The following IQCM variants were observed in gnomAD, a reference collection of about 807,000 sequenced individuals.
IQCM encodes IQ motif containing M, also known as IQ domain-containing protein M.
A neutral mutation model predicts 57.6 loss-of-function variants in IQCM; 45 were observed. The ratio of observed to expected loss-of-function variants is 0.78; its 90% CI spans 0.62 to 1.00. The LOEUF is 1.00. Ranked by LOEUF, IQCM falls within the 50% of genes least tolerant of loss-of-function variation. IQCM has a pLI of 0.00. For missense variants in IQCM, 468 were observed against 511.6 expected, an observed-to-expected ratio of 0.91 and a Z score of 0.82; for synonymous variants, 148 against 158.9, an observed-to-expected ratio of 0.93 and a Z score of 0.51.
chr4:149,561,656 A>G (rs954134191), intron 10 of IQCM, among the ~76,000 whole-genome samples: 4 of 152,198 alleles, frequency 2.6e-5, no homozygotes, highest in Admixed American at 6.5e-5. Flanking sequence ...ATATATGTAT[A>G]CAAAGAGATA....
At chr4:149,748,377 T>C (rs1046601951) in intron 2 of IQCM, among the ~76,000 whole-genome samples, 1 of 152,236 alleles carries the variant, frequency 6.6e-6, no homozygotes, top group African/African-American at 2.4e-5. Context: ...CCAGCTTACA[T>C]GAAATATTTA....
At chr4:149,488,835 A>C (rs1195193692) in intron 12 of IQCM, among the ~76,000 whole-genome samples, 1 of 152,316 alleles carries the variant, frequency 6.6e-6, no homozygotes, top group African/African-American at 2.4e-5. Context: ...ACTTCATCTC[A>C]AAAGGTAACA....
chr4:149,654,350 G>A (rs948464789), intron 7 of IQCM, among the ~76,000 whole-genome samples: 1 of 152,114 alleles, frequency 6.6e-6, no homozygotes, highest in Non-Finnish European at 1.5e-5. Context: ...GATCCCTCAT[G>A]ACTCAGTGCT....
At chr4:149,729,074 C>G (rs1310838844) in intron 5 of IQCM, among the ~76,000 whole-genome samples, 1 of 152,204 alleles carries the variant, frequency 6.6e-6, no homozygotes, top group Non-Finnish European at 1.5e-5. Flanking sequence ...ATAATAGTCA[C>G]CAGTCCAAAG....
chr4:149,533,646 G>C (rs1020089322), intron 12 of IQCM, among the ~76,000 whole-genome samples: 2 of 152,078 alleles, frequency 1.3e-5, no homozygotes, highest in Non-Finnish European at 2.9e-5. Flanking sequence ...ATCTTACATG[G>C]CAGCAGGCAA....
chr4:149,811,556 T>G (rs1774566834), intron 2 of IQCM, among the ~76,000 whole-genome samples: 1 of 152,098 alleles, frequency 6.6e-6, no homozygotes, highest in African/African-American at 2.4e-5. Context: ...TATGTCAAAG[T>G]TTATCTTTGG....
chr4:149,712,460 C>A (rs541991924), intron 5 of IQCM, among the ~76,000 whole-genome samples: 1 of 152,216 alleles, frequency 6.6e-6, no homozygotes. Flanking sequence ...GTTTGAAAAA[C>A]CACCTGGCTT....
At chr4:149,764,854 T>A (rs1769889314) in intron 2 of IQCM, among the ~76,000 whole-genome samples, 1 of 152,086 alleles carries the variant, frequency 6.6e-6, no homozygotes, top group Admixed American at 6.6e-5. Flanking sequence ...TGAACAAAAA[T>A]GATTTACTAA....
At chr4:149,450,907 C>T (rs1587763) in intron 12 of IQCM, among the ~76,000 whole-genome samples, 151,895 of 151,904 alleles carry the variant, frequency 1, 75,943 homozygotes, top group Middle Eastern at 1. Context: ...AAGAGATATC[C>T]ACACTTTCAT....
chr4:149,764,197 AC>A (rs1295989539), intron 2 of IQCM, among the ~76,000 whole-genome samples: 1 of 151,946 alleles, frequency 6.6e-6, no homozygotes, highest in East Asian at 1.9e-4. Context: ...GTCTTATTTC[AC>A]CCCCAAGCAC....
At chr4:149,508,245 C>T (rs1483012767) in intron 12 of IQCM, among the ~76,000 whole-genome samples, 1 of 151,992 alleles carries the variant, frequency 6.6e-6, no homozygotes, top group East Asian at 1.9e-4. Flanking sequence ...ACTGTGGCAC[C>T]ACCTAGAGAA....
chr4:149,476,690 A>T (rs1475922325), intron 12 of IQCM, among the ~76,000 whole-genome samples: 1 of 152,186 alleles, frequency 6.6e-6, no homozygotes. Context: ...TATATCTATC[A>T]GACTAGATTT....
At chr4:149,404,580 A>G (rs906331688) in intron 13 of IQCM, among the ~76,000 whole-genome samples, 1 of 152,096 alleles carries the variant, frequency 6.6e-6, no homozygotes, top group Non-Finnish European at 1.5e-5. Flanking sequence ...AATGCTCTAT[A>G]GGAAAGGTGG....
intron 7 of IQCM, among the ~76,000 whole-genome samples, chr4:149,668,979 A>T (rs1480852310): frequency 7.2e-5 from 11 of 152,202 alleles, no homozygotes; most frequent in Admixed American, 2.0e-4. Context: ...TACAGATGTT[A>T]TTATTAACAA....
intron 12 of IQCM, among the ~76,000 whole-genome samples, chr4:149,455,076 A>C (rs1046536383): frequency 8.5e-5 from 13 of 152,136 alleles, no homozygotes; most frequent in African/African-American, 2.9e-4. Context: ...ATAAACATTC[A>C]GTATGCTTCT....
At chr4:149,779,780 G>A (rs1382219094) in intron 2 of IQCM, among the ~76,000 whole-genome samples, 6 of 152,136 alleles carry the variant, frequency 3.9e-5, no homozygotes, top group Non-Finnish European at 7.4e-5. Flanking sequence ...CCATAAATAT[G>A]TTTTGACAAC....
intron 13 of IQCM, among the ~76,000 whole-genome samples, chr4:149,407,218 G>T (rs1733046020): frequency 2.0e-5 from 3 of 152,076 alleles, no homozygotes; most frequent in African/African-American, 7.2e-5. Context: ...ACAATTCAAG[G>T]TGGGATTTGG....
At chr4:149,660,891 G>A (rs989108520) in intron 7 of IQCM, among the ~76,000 whole-genome samples, 1 of 151,794 alleles carries the variant, frequency 6.6e-6, no homozygotes, top group Non-Finnish European at 1.5e-5. Flanking sequence ...TAAATGACGA[G>A]TTAATGGGTG....
At chr4:149,735,951 T>C (rs1245974075) in intron 3 of IQCM, among the ~76,000 whole-genome samples, 1 of 151,496 alleles carries the variant, frequency 6.6e-6, no homozygotes, top group Non-Finnish European at 1.5e-5. Context: ...TTTCGACTTT[T>C]TTTTTTTTTT....
Sources: gnomAD v4.1 joint callset for allele counts (sites outside exome capture counted in the v4.1 genomes callset) on GRCh38, gnomAD v4.1.1 for gene constraint, MANE v1.5 for transcripts, NCBI Gene and HGNC (gene_info 2026-07-23, HGNC 2026-07-21) for gene names.